EMCN: variants seen among roughly 807,000 people sequenced by gnomAD.
EMCN encodes the protein endomucin.
In EMCN, 37 loss-of-function variants were observed where a neutral mutation model predicts 38.4. The ratio of observed to expected loss-of-function variants is 0.96; its 90% CI spans 0.74 to 1.27. The LOEUF (loss-of-function observed/expected upper bound fraction) is 1.27, where lower values mean the gene tolerates loss of function less well. Among genes scored for constraint, EMCN ranks in the 50% most tolerant of loss-of-function variants. The probability of loss-of-function intolerance (pLI) is 0.00; values close to 1 mark genes in which losing one functional copy is unlikely to be tolerated. For missense variants in EMCN, 318 were observed against 302.8 expected, an observed-to-expected ratio of 1.05 and a Z score of -0.37; for synonymous variants, 95 against 100.8, an observed-to-expected ratio of 0.94 and a Z score of 0.35.
intron 3 of EMCN, among the ~76,000 whole-genome samples, chr4:100,472,210 C>T (rs1212955317): frequency 6.6e-6 from 1 of 151,860 alleles, no homozygotes; most frequent in Non-Finnish European, 1.5e-5. Context: ...CTAAGGAATA[C>T]ACATTCACAT....
At chr4:100,470,595 C>A (rs1167649870) in intron 3 of EMCN, among the ~76,000 whole-genome samples, 2 of 151,826 alleles carry the variant, frequency 1.3e-5, no homozygotes, top group Non-Finnish European at 2.9e-5. Context: ...ATGTTCGTTG[C>A]AGCACTATTC....
chr4:100,468,885 A>G (rs1340408153), intron 3 of EMCN, among the ~76,000 whole-genome samples: 1 of 152,040 alleles, frequency 6.6e-6, no homozygotes, highest in Non-Finnish European at 1.5e-5. Context: ...AAATAGAAAA[A>G]AAAATTGTAT....
chr4:100,505,501 C>T (rs1019366364), intron 1 of EMCN, among the ~76,000 whole-genome samples: 1 of 152,144 alleles, frequency 6.6e-6, no homozygotes, highest in Non-Finnish European at 1.5e-5. Context: ...CATGAGGAAG[C>T]TCTCGGTTAA....
rs534715962 is a variant in EMCN at position 100,441,018 on chromosome 4, G to T, written c.415+6515C>A. On this transcript the variant is annotated intron_variant, in intron 5 of 11. Coordinates refer to ENST00000296420, the MANE Select transcript of EMCN (RefSeq NM_016242.4). ...CAGGAGAATGGTGTGAACCTGTGAG[G>T]CAGAGCTTGCAGTGAGCTGCGATTG... Among the ~76,000 whole-genome samples, 3 of 152,174 alleles carry T rather than the reference G, an allele frequency of 2.0e-5. No individual in the cohort carries two copies. In the South Asian group the frequency reaches 6.2e-4, roughly 32 times the overall value.
intron 10 of EMCN, among the ~76,000 whole-genome samples, chr4:100,414,496 C>A: frequency 6.6e-6 from 1 of 151,788 alleles, no homozygotes; most frequent in African/African-American, 2.4e-5. Flanking sequence ...TCCTTTGCCC[C>A]CTTCAGATGG....
chr4:100,476,657 T>C lies in EMCN; in HGVS notation c.188-1548A>G, dbSNP rs370226638. ...TAAACTAGCATTCATTCATGCCATTTTCCAAAACAATCTTTGAGAAACATG... is the reference window on the plus strand; with the variant it reads ...TAAACTAGCATTCATTCATGCCATTCTCCAAAACAATCTTTGAGAAACATG... On this transcript the variant is annotated intron_variant, in intron 2 of 11. Transcript: ENST00000296420. 1.1e-4 allele frequency among the ~76,000 whole-genome samples: 17 copies of C among 152,340 alleles called. No homozygotes were observed. In the East Asian group the frequency reaches 2.7e-3, roughly 24 times the overall value.
chr4:100,448,605 A>T (rs184182366), intron 4 of EMCN, among the ~76,000 whole-genome samples: 1 of 152,218 alleles, frequency 6.6e-6, no homozygotes, highest in East Asian at 1.9e-4. Context: ...TCCACCCAGC[A>T]CCTGTATCTC....
intron 5 of EMCN, among the ~76,000 whole-genome samples, chr4:100,427,137 A>G (rs551032471): frequency 3.9e-5 from 6 of 152,250 alleles, no homozygotes; most frequent in African/African-American, 1.2e-4. Flanking sequence ...TCAGCCTTTG[A>G]CACAAATCTT....
chr4:100,448,795 T>TTTTCTTTCTTTC lies in EMCN; in HGVS notation c.377-1225_377-1224insGAAAGAAAGAAA, dbSNP rs58028381. ...GCACAAGGCCCTTTCTGCCTTGAAGTCTTCCTTCCTTCCTTCCTTCCTTCC... is the reference window on the plus strand; with the variant it reads ...GCACAAGGCCCTTTCTGCCTTGAAGTTTTCTTTCTTTCCTTCCTTCCTTCCTTCCTTCCTTCC... On this transcript the variant is annotated intron_variant, in intron 4 of 11. Coordinates refer to ENST00000296420, the MANE Select transcript of EMCN (RefSeq NM_016242.4). 4.9e-3 allele frequency among the ~76,000 whole-genome samples: 563 copies of TTTTCTTTCTTTC among 114,340 alleles called. 18 individuals carry two copies. The highest frequency in any genetic ancestry group is 0.017 in the African/African-American group (516 of 30,470). The allele number at this position is 114,340 out of a possible 152,430, so 75.0% of individuals were successfully genotyped here.
At chr4:100,516,881 G>C (rs926244583) in intron 1 of EMCN, among the ~76,000 whole-genome samples, 11 of 151,822 alleles carry the variant, frequency 7.2e-5, no homozygotes, top group African/African-American at 1.9e-4. Context: ...AGACCCCTCA[G>C]AGTCTGAATC....
chr4:100,490,174 TAA>T (rs35563606), intron 1 of EMCN, among the ~76,000 whole-genome samples: 10 of 120,362 alleles, frequency 8.3e-5, no homozygotes, highest in Non-Finnish European at 1.3e-4. Context: ...CTTGAAAAAG[TAA>T]AAAAAAAAAA....
chr4:100,467,742 A>T (rs1728363341), intron 3 of EMCN, among the ~76,000 whole-genome samples: 1 of 151,938 alleles, frequency 6.6e-6, no homozygotes, highest in African/African-American at 2.4e-5. Flanking sequence ...TTTTGAGAAA[A>T]TTTTTCCAGT....
chr4:100,455,950 A>G lies in EMCN; in HGVS notation c.377-8379T>C, dbSNP rs1275381370. Among the ~76,000 whole-genome samples the G allele has an allele frequency of 2.6e-5, 4 of 152,140 alleles. No individual in the cohort carries two copies. The South Asian group carries it at 8.3e-4, about 32-fold the overall frequency. ...GCTGGGAATACAGGTGCCTGCCACTATGCCTGTCTAATTTTTGTATTTTTT... is the reference window on the plus strand; with the variant it reads ...GCTGGGAATACAGGTGCCTGCCACTGTGCCTGTCTAATTTTTGTATTTTTT... On this transcript the variant is annotated intron_variant, in intron 4 of 11. Transcript: ENST00000296420.
chr4:100,507,813 C>T (rs779909383), intron 1 of EMCN, among the ~76,000 whole-genome samples: 2 of 152,064 alleles, frequency 1.3e-5, no homozygotes, highest in African/African-American at 4.8e-5. Context: ...TCTAGCCCCA[C>T]GCCTAACAAA....
chr4:100,507,327 C>A (rs1313384388), intron 1 of EMCN, among the ~76,000 whole-genome samples: 1 of 152,044 alleles, frequency 6.6e-6, no homozygotes, highest in Non-Finnish European at 1.5e-5. Context: ...TTGTATTAAC[C>A]AAATCTGTCC....
At chr4:100,457,369 T>A (rs1219446554) in intron 4 of EMCN, among the ~76,000 whole-genome samples, 1 of 152,076 alleles carries the variant, frequency 6.6e-6, no homozygotes, top group Non-Finnish European at 1.5e-5. Flanking sequence ...GTGATGAGAG[T>A]GGACATCATT....
chr4:100,488,877 C>T (rs550253629), intron 1 of EMCN, among the ~76,000 whole-genome samples: 3 of 151,974 alleles, frequency 2.0e-5, no homozygotes, highest in Non-Finnish European at 2.9e-5. Context: ...GTTATTTTTA[C>T]CTTCTAAAAA....
intron 7 of EMCN, among the ~76,000 whole-genome samples, chr4:100,422,622 A>G (rs537824577): frequency 5.0e-4 from 76 of 151,974 alleles, no homozygotes; most frequent in African/African-American, 1.8e-3. Flanking sequence ...AATAAAATAT[A>G]TTCAGGGTAT....
intron 1 of EMCN, among the ~76,000 whole-genome samples, chr4:100,509,724 T>A (rs1220628310): frequency 6.6e-6 from 1 of 152,172 alleles, no homozygotes; most frequent in African/African-American, 2.4e-5. Flanking sequence ...GAAGCATTAT[T>A]TCAACACATG....
Sources: gnomAD v4.1 joint callset for allele counts (sites outside exome capture counted in the v4.1 genomes callset) on GRCh38, gnomAD v4.1.1 for gene constraint, MANE v1.5 for transcripts, NCBI Gene and HGNC (gene_info 2026-07-23, HGNC 2026-07-21) for gene names.